The following TPCN1 variants were observed in gnomAD, a reference collection of about 807,000 sequenced individuals.
TPCN1 encodes two pore segment channel 1, also known as two pore channel protein 1.
A neutral mutation model predicts 108.8 loss-of-function variants in TPCN1; 52 were observed. That is an observed-to-expected ratio of 0.48 (90% CI 0.38 to 0.60). The LOEUF (loss-of-function observed/expected upper bound fraction) is 0.60. TPCN1 is among the 20% of genes least tolerant of loss of function. TPCN1 has a pLI of 0.00. For synonymous variants in TPCN1, 446 were observed against 433.7 expected (o/e 1.03, Z -0.35); for missense variants, 806 against 1,072.8 (o/e 0.75, Z 3.47).
chr12:113,276,875 C>A, intron 10 of TPCN1, 44 bp from the exon 11 acceptor site: 3 of 1,401,146 alleles, frequency 2.1e-6, no homozygotes, highest in Non-Finnish European at 3.0e-6. Context: ...CCTGCCCTAA[C>A]CACTCAAGGT....
chr12:113,237,425 C>G (rs577031967), intron 2 of TPCN1, among the ~76,000 whole-genome samples: 4 of 151,954 alleles, frequency 2.6e-5, no homozygotes, highest in Non-Finnish European at 5.9e-5. Flanking sequence ...GGCACAGTCT[C>G]GGCTCACTGC....
rs887870349 is a variant in TPCN1 at position 113,231,242 on chromosome 12, G to A, written c.112+4278G>A. On this transcript the variant is annotated intron_variant, in intron 2 of 27. Transcript: ENST00000335509. This position sits in a 1 kb window ranked among gnomAD's most constrained non-coding sequence, Gnocchi z 4.3. ...AACACCATGGACTGGTGGCTTAAAT[G>A]ACAGAAATCTAATTTCTCACAGGTC... Among the ~76,000 whole-genome samples the A allele has an allele frequency of 3.9e-5, 6 of 152,218 alleles. No individual in the cohort carries two copies. The highest frequency in any genetic ancestry group is 1.4e-4 in the African/African-American group (6 of 41,450).
At position 113,268,931 on chromosome 12, in the gene TPCN1, C is replaced by A; in HGVS notation, c.659+59C>A. 1 of 1,603,048 alleles carries A rather than the reference C, an allele frequency of 6.2e-7. No homozygotes were observed. Among genetic ancestry groups the A allele is most frequent in the Non-Finnish European group, 8.5e-7 (1 of 1,173,116 alleles). ...TCCTGGCATGGCCTGACCTCTGGGC[C>A]AGTGGGGCAGGAGCTTGTGAGTCAG... On this transcript the variant is annotated intron_variant, in intron 6 of 27. Transcript: ENST00000335509. This position sits in a 1 kb window ranked among gnomAD's most constrained non-coding sequence, Gnocchi z 7.3.
rs2303621 is a variant in TPCN1, at chr12:113,267,724, A to C, written c.415-119A>C. ...AGGCATGCGAGGCCAGGTTTTTGTA[A>C]CTCTGATATGTGTTGGGAGGATGTC... On this transcript the variant is annotated intron_variant, in intron 4 of 27. Coordinates refer to ENST00000335509, the MANE Select transcript of TPCN1 (RefSeq NM_017901.6). The C allele has an allele frequency of 0.015, 9,937 of 663,216 alleles. 544 individuals carry two copies. In the East Asian group the frequency reaches 0.16, roughly 11 times the overall value. The allele number at this position is 663,216 out of a possible 1,614,324, so 41.1% of individuals were successfully genotyped here.
rs769920564 is a variant in TPCN1 at position 113,278,839 on chromosome 12, AGT to A, written c.1297+6_1297+7del. 3 of 1,613,542 alleles carry A rather than the reference AGT, an allele frequency of 1.9e-6. No individual in the cohort carries two copies. The South Asian group carries it at 3.3e-5, about 18-fold the overall frequency. On this transcript the variant is annotated splice_donor_5th_base_variant and intron_variant, in intron 14 of 27. Coordinates refer to ENST00000335509, the MANE Select transcript of TPCN1 (RefSeq NM_017901.6). ...ACGGCGCTCCTCATCTTCAAAGGTAAGTGGGCTTGAGTATGGCAGGTGTTGGC... is the reference window on the plus strand; with the variant it reads ...ACGGCGCTCCTCATCTTCAAAGGTAAGGGCTTGAGTATGGCAGGTGTTGGC...
Position 113,292,874 on chromosome 12 carries a change from C to T in TPCN1, c.2114-60C>T. The T allele has an allele frequency of 1.9e-6, 3 of 1,575,042 alleles. No individual in the cohort carries two copies. The South Asian group carries it at 3.5e-5, about 19-fold the overall frequency. On this transcript the variant is annotated intron_variant, in intron 25 of 27. Coordinates refer to ENST00000335509, the MANE Select transcript of TPCN1 (RefSeq NM_017901.6). Reference sequence around the variant, plus strand: ...GGAAGGGGGCAAGGAGGTACGAGACCCAGCCAGGTTGGCAGCTGCAGCCCC... The same window carrying T: ...GGAAGGGGGCAAGGAGGTACGAGACTCAGCCAGGTTGGCAGCTGCAGCCCC...
At chr12:113,279,395 T>A (rs12820949) in intron 14 of TPCN1, among the ~76,000 whole-genome samples, 7 of 72,744 alleles carry the variant, frequency 9.6e-5, no homozygotes, top group South Asian at 6.0e-4. Context: ...ATATATATTT[T>A]TTTTTTTTTT....
In TPCN1 at chr12:113,268,696, G is replaced by T. The variant is rs762922876; in HGVS notation, c.529-46G>T. The stretch of plus-strand genomic sequence containing the variant: ...CCCCGTTCCAGGTATGCAGGATGAC[G>T]GCTGGGCTGCAGGGGCTGACGGTGC... On this transcript the variant is annotated intron_variant, in intron 5 of 27. Transcript: ENST00000335509. The surrounding 1 kb of genome is among the most constrained non-coding windows in gnomAD (Gnocchi z 7.3). 3.7e-6 allele frequency: 6 copies of T among 1,607,400 alleles called. No homozygotes were observed. The South Asian group carries it at 6.6e-5, about 18-fold the overall frequency.
At chr12:113,226,600 A>G (rs951448618) in intron 1 of TPCN1, 128 bp from the exon 2 acceptor site, 1 of 789,042 alleles carries the variant, frequency 1.3e-6, no homozygotes, top group African/African-American at 1.7e-5. Flanking sequence ...CATTTTAAAG[A>G]GTATACTTGA....
At chr12:113,223,787 A>G (rs1312826742) in intron 1 of TPCN1, among the ~76,000 whole-genome samples, 1 of 151,982 alleles carries the variant, frequency 6.6e-6, no homozygotes, top group Admixed American at 6.6e-5. Context: ...CAAGCGATCC[A>G]CCTGCCTCGG....
intron 15 of TPCN1, among the ~76,000 whole-genome samples, chr12:113,283,899 C>T (rs1299785937): frequency 1.3e-5 from 2 of 152,136 alleles, no homozygotes; most frequent in South Asian, 2.1e-4. Flanking sequence ...GTTTCGAGCC[C>T]CTGGGCTCAC....
chr12:113,290,329 G>A, intron 22 of TPCN1, 86 bp downstream of exon 22: 1 of 965,318 alleles, frequency 1.0e-6, no homozygotes, highest in Non-Finnish European at 1.6e-6. Context: ...AGGTGGTGTA[G>A]CAAGTGTCTG....
intron 1 of TPCN1, chr12:113,225,194 A>G (rs1473584858): frequency 2.2e-6 from 1 of 450,938 alleles, no homozygotes; most frequent in South Asian, 1.6e-5. Context: ...AGCTAGGCCT[A>G]CAGGCATATG....
At position 113,291,071 on chromosome 12, in the gene TPCN1, G is replaced by C. The variant is rs943822657; in HGVS notation, c.1959+73G>C. The C allele has an allele frequency of 2.1e-6, 3 of 1,405,972 alleles. No individual in the cohort carries two copies. In the African/African-American group the frequency reaches 4.2e-5, roughly 20 times the overall value. 87.1% of individuals were successfully genotyped at this position (1,405,972 alleles called of 1,614,324 possible). On this transcript the variant is annotated intron_variant, in intron 23 of 27. Transcript: ENST00000335509. ...TCGGCCCTGGGTCTCCCCCAACCCA[G>C]AGTATATAATTCTTCCCGTAGCTTG...
chr12:113,293,235 G>A, intron 26 of TPCN1, 34 bp from the exon 27 acceptor site: 1 of 1,611,906 alleles, frequency 6.2e-7, no homozygotes, highest in South Asian at 1.1e-5. Context: ...CTGAATATCT[G>A]CAGCCGAGCC....
chr12:113,274,985 A>G (rs373068852), intron 10 of TPCN1, among the ~76,000 whole-genome samples: 48 of 152,346 alleles, frequency 3.2e-4, no homozygotes, highest in African/African-American at 1.1e-3. Context: ...AAGAACTTTG[A>G]GGGTGTTTGT....
intron 2 of TPCN1, among the ~76,000 whole-genome samples, chr12:113,248,131 G>T (rs549200932): frequency 6.6e-6 from 1 of 152,162 alleles, no homozygotes; most frequent in Admixed American, 6.5e-5. Flanking sequence ...ACCCTTTGGC[G>T]CTGCCCACTG....
At position 113,284,785 on chromosome 12, in the gene TPCN1, A is replaced by G; in HGVS notation, c.1453+14A>G. 6.2e-7 allele frequency: 1 copy of G among 1,614,164 alleles called. No homozygotes were observed. Among genetic ancestry groups the G allele is most frequent in the Admixed American group, 1.7e-5 (1 of 60,032 alleles). The stretch of plus-strand genomic sequence containing the variant: ...TCTTTCTAACTAGTACGTTTCCGAC[A>G]TGGCTTTGCTGGACTGCTTGTTTTA... On this transcript the variant is annotated intron_variant, in intron 17 of 27. Coordinates refer to ENST00000335509, the MANE Select transcript of TPCN1 (RefSeq NM_017901.6). This position sits in a 1 kb window ranked among gnomAD's most constrained non-coding sequence, Gnocchi z 4.1.
In TPCN1 at chr12:113,235,507, T is replaced by TAA. The variant is rs35994827; in HGVS notation, c.112+8556_112+8557dup. 5.1e-3 allele frequency among the ~76,000 whole-genome samples: 728 copies of TAA among 143,260 alleles called. 12 individuals carry two copies. The highest frequency in any genetic ancestry group is 2.0e-3 in the South Asian group (9 of 4,452). 94.0% of individuals were successfully genotyped at this position (143,260 alleles called of 152,430 possible). On this transcript the variant is annotated intron_variant, in intron 2 of 27. Transcript: ENST00000335509. ...AGAAGTTTTTTTAAAAGTAGTGGTT[T>TAA]AAAAAAAAAAAAAAGAAAAAAGTGA...
Sources: allele counts gnomAD v4.1 joint callset (sites outside exome capture counted in the v4.1 genomes callset), GRCh38; gene constraint gnomAD v4.1.1; non-coding constraint Gnocchi (gnomAD v3.1); transcripts MANE v1.5; gene names NCBI Gene and HGNC (gene_info 2026-07-23, HGNC 2026-07-21).